The following EMILIN2 variants were observed in gnomAD, a reference collection of about 807,000 sequenced individuals.
EMILIN2 encodes the protein EMILIN-2.
In EMILIN2, 71 loss-of-function variants were observed where a neutral mutation model predicts 87.1. That is an observed-to-expected ratio of 0.82 (90% CI 0.67 to 0.99). The LOEUF (loss-of-function observed/expected upper bound fraction) is 0.99, where lower values mean the gene tolerates loss of function less well. Ranked by LOEUF, EMILIN2 falls within the 50% of genes least tolerant of loss-of-function variation. EMILIN2 has a pLI of 0.00. For missense variants in EMILIN2, 1,407 were observed against 1,371.8 expected (o/e 1.03, Z -0.40); for synonymous variants, 581 against 563.4 (o/e 1.03, Z -0.44).
intron 2 of EMILIN2, among the ~76,000 whole-genome samples, chr18:2,882,815 A>G (rs1012948124): frequency 6.6e-6 from 1 of 151,754 alleles, no homozygotes; most frequent in Admixed American, 6.6e-5. Flanking sequence ...CCCGGGAGGC[A>G]GAGGTTGCAG....
intron 4 of EMILIN2, among the ~76,000 whole-genome samples, chr18:2,901,809 G>A (rs1289547792): frequency 5.3e-5 from 8 of 152,216 alleles, no homozygotes; most frequent in South Asian, 2.1e-4. Context: ...AAATGTGTGC[G>A]TTCGGCACCC....
Position 2,847,363 on chromosome 18 carries a change from C to A in EMILIN2, c.134+41C>A. ...TTGGCTGGCCCCAAACCGCCTACCC[C>A]TCCCCGGCCCCCAGTTGAGCCCCAG... On this transcript the variant is annotated intron_variant, in intron 1 of 7. Transcript: ENST00000254528. The surrounding 1 kb of genome is among the most constrained non-coding windows in gnomAD (Gnocchi z 4.5). The A allele has an allele frequency of 7.8e-7, 1 of 1,275,614 alleles. No individual in the cohort carries two copies. The highest frequency in any genetic ancestry group is 9.9e-7 in the Non-Finnish European group (1 of 1,009,900). The allele number at this position is 1,275,614 out of a possible 1,614,324, so 79.0% of individuals were successfully genotyped here.
At chr18:2,868,461 T>C (rs1218541846) in intron 2 of EMILIN2, among the ~76,000 whole-genome samples, 3 of 152,102 alleles carry the variant, frequency 2.0e-5, no homozygotes, top group Non-Finnish European at 4.4e-5. Context: ...TGGGAGGTGG[T>C]TGCAGCCAGC....
chr18:2,846,896 TGGG>T, upstream of EMILIN2: 1 of 986,542 alleles, frequency 1.0e-6, no homozygotes, highest in Non-Finnish European at 1.2e-6. The surrounding 1 kb of genome is among the most constrained non-coding windows in gnomAD (Gnocchi z 5.3). Flanking sequence ...GGAGACTTGG[TGGG>T]GGGAGAGTCA....
intron 2 of EMILIN2, among the ~76,000 whole-genome samples, chr18:2,870,820 C>T (rs182485278): frequency 2.0e-4 from 30 of 152,282 alleles, no homozygotes; most frequent in African/African-American, 5.8e-4. Context: ...CTGAGGGCTT[C>T]GAGGGAAGGA....
At chr18:2,878,857 T>C (rs2076762864) in intron 2 of EMILIN2, among the ~76,000 whole-genome samples, 1 of 152,140 alleles carries the variant, frequency 6.6e-6, no homozygotes, top group Admixed American at 6.5e-5. Flanking sequence ...GGGCAACCAA[T>C]GACTGGAAGG....
chr18:2,893,380 C>CACAG (rs10623153), intron 4 of EMILIN2, among the ~76,000 whole-genome samples: 128,568 of 151,722 alleles, frequency 0.85, 54,569 homozygotes, highest in Middle Eastern at 0.91. Context: ...TGTTTCCAGA[C>CACAG]ACAGGACCGT....
At chr18:2,862,651 T>C (rs1408860762) in intron 2 of EMILIN2, among the ~76,000 whole-genome samples, 1 of 152,224 alleles carries the variant, frequency 6.6e-6, no homozygotes, top group Non-Finnish European at 1.5e-5. Flanking sequence ...TTTGCATCGA[T>C]GTTCATCAGG....
chr18:2,882,084 C>G (rs1333806466), intron 2 of EMILIN2, among the ~76,000 whole-genome samples: 1 of 152,204 alleles, frequency 6.6e-6, no homozygotes, highest in African/African-American at 2.4e-5. Flanking sequence ...GGCCCTGCCC[C>G]TTCCGGGCTG....
Position 2,848,053 on chromosome 18 carries a change from C to T in EMILIN2, c.257+122C>T. On this transcript the variant is annotated intron_variant, in intron 2 of 7. Transcript: ENST00000254528. This position sits in a 1 kb window ranked among gnomAD's most constrained non-coding sequence, Gnocchi z 4.1. Reference sequence around the variant, plus strand: ...ATCCCTTCCAGATCCGGTGAAAAGCCCGCAGCGGAAAAGCGCTCCGAGCGC... The same window carrying T: ...ATCCCTTCCAGATCCGGTGAAAAGCTCGCAGCGGAAAAGCGCTCCGAGCGC... The T allele has an allele frequency of 7.8e-7, 1 of 1,288,158 alleles. No individual in the cohort carries two copies. Among genetic ancestry groups the T allele is most frequent in the South Asian group, 1.6e-5 (1 of 63,998 alleles). The allele number at this position is 1,288,158 out of a possible 1,614,324, so 79.8% of individuals were successfully genotyped here.
chr18:2,913,648 T>TTATTAA lies in EMILIN2; in HGVS notation c.*244_*245insTATTAA. ...ACTCTAACTGGACAACTGGAAGACT[T>TTATTAA]GGAAAGGCCTCCACCTGTATCTACA... On this transcript the variant is annotated 3_prime_UTR_variant, in exon 8 of 8. Coordinates refer to ENST00000254528, the MANE Select transcript of EMILIN2 (RefSeq NM_032048.3). The TTATTAA allele has an allele frequency of 1.5e-5, 7 of 479,922 alleles. No individual in the cohort carries two copies. The highest frequency in any genetic ancestry group is 8.2e-5 in the South Asian group (3 of 36,606). The allele number at this position is 479,922 out of a possible 1,614,324, so 29.7% of individuals were successfully genotyped here. A position where few individuals can be genotyped will look rare whatever the true frequency, so the allele number is the denominator to read the frequency against.
intron 2 of EMILIN2, among the ~76,000 whole-genome samples, chr18:2,883,332 C>A (rs1295243949): frequency 1.3e-5 from 2 of 152,130 alleles, no homozygotes; most frequent in South Asian, 4.1e-4. Context: ...TGCTGGGTAA[C>A]CCCGCTGCTG....
chr18:2,887,700 C>T (rs1555668307), intron 3 of EMILIN2, among the ~76,000 whole-genome samples: 1 of 152,168 alleles, frequency 6.6e-6, no homozygotes, highest in Admixed American at 6.5e-5. Context: ...CCAAATAAAC[C>T]TCTTTTCTTC....
In EMILIN2 at chr18:2,851,610, C is replaced by T. The variant is rs535732045; in HGVS notation, c.257+3679C>T. Among the ~76,000 whole-genome samples the T allele has an allele frequency of 3.4e-3, 514 of 152,274 alleles. 2 individuals are homozygous for T. The highest frequency in any genetic ancestry group is 6.8e-3 in the Middle Eastern group (2 of 294). The stretch of plus-strand genomic sequence containing the variant: ...CCATGTCACTGGGCCCTGACAGCCT[C>T]CTTAGCTGTAGAGACTGACTACAGG... On this transcript the variant is annotated intron_variant, in intron 2 of 7. Coordinates refer to ENST00000254528, the MANE Select transcript of EMILIN2 (RefSeq NM_032048.3).
intron 6 of EMILIN2, 121 bp downstream of exon 6, chr18:2,909,096 C>T: frequency 8.0e-7 from 1 of 1,246,780 alleles, no homozygotes; most frequent in Non-Finnish European, 1.2e-6. Context: ...GGGCCCAGCC[C>T]TTCCCCACCC....
At chr18:2,879,930 A>G (rs1050318114) in intron 2 of EMILIN2, among the ~76,000 whole-genome samples, 3 of 151,676 alleles carry the variant, frequency 2.0e-5, no homozygotes, top group African/African-American at 4.8e-5. Context: ...CTGTTCTCGA[A>G]CTCCTGAGCT....
At position 2,892,284 on chromosome 18, in the gene EMILIN2, C is replaced by G; in HGVS notation, c.2157C>G (p.Ile719Met). 6.2e-7 allele frequency: 1 copy of G among 1,614,148 alleles called. No homozygotes were observed. Among genetic ancestry groups the G allele is most frequent in the South Asian group, 1.1e-5 (1 of 91,082 alleles). The change falls in exon 4 of 8, where the codon ATC becomes ATG. Residue 719 changes from isoleucine to methionine, a missense_variant. Ile to Met is a conservative substitution (Grantham distance 10). Coordinates refer to ENST00000254528, the MANE Select transcript of EMILIN2 (RefSeq NM_032048.3). ...AAACTTGCAGCAAGCTGGACTCTAT[C>G]TCAGGAAATCTTCAGAGGATCAAGG... ...MEKTCSKLDSISGNLQRIKEG... is the reference protein window; with the variant it reads ...MEKTCSKLDSMSGNLQRIKEG...
rs1026682524 is a variant in EMILIN2 at position 2,880,606 on chromosome 18, C to A, written c.258-4358C>A. Among the ~76,000 whole-genome samples, 1 of 152,226 alleles carries A rather than the reference C, an allele frequency of 6.6e-6. No individual in the cohort carries two copies. Among genetic ancestry groups the A allele is most frequent in the African/African-American group, 2.4e-5 (1 of 41,456 alleles). On this transcript the variant is annotated intron_variant, in intron 2 of 7. Transcript: ENST00000254528. This position sits in a 1 kb window ranked among gnomAD's most constrained non-coding sequence, Gnocchi z 4.1. Reference sequence around the variant, plus strand: ...CAGGGCTGCAGCCGAGTCCGCCCCTCCAGCGCTGCGCAGCCCCGCCGCCTT... The same window carrying A: ...CAGGGCTGCAGCCGAGTCCGCCCCTACAGCGCTGCGCAGCCCCGCCGCCTT...
At position 2,894,410 on chromosome 18, in the gene EMILIN2, C is replaced by T. The variant is rs566117065; in HGVS notation, c.2359+1924C>T. On this transcript the variant is annotated intron_variant, in intron 4 of 7. Coordinates refer to ENST00000254528, the MANE Select transcript of EMILIN2 (RefSeq NM_032048.3). The surrounding 1 kb of genome is among the most constrained non-coding windows in gnomAD (Gnocchi z 5.0). ...TATTTATAACCCAGCCCTTCCCCCACTCCAGGGCCACTCAGCTCCTCTATC... is the reference window on the plus strand; with the variant it reads ...TATTTATAACCCAGCCCTTCCCCCATTCCAGGGCCACTCAGCTCCTCTATC... 1.8e-3 allele frequency among the ~76,000 whole-genome samples: 271 copies of T among 152,344 alleles called. 1 individual carries two copies. Among genetic ancestry groups the T allele is most frequent in the Non-Finnish European group, 3.0e-3 (201 of 68,010 alleles).
Sources: gnomAD v4.1 joint callset for allele counts (sites outside exome capture counted in the v4.1 genomes callset) on GRCh38, gnomAD v4.1.1 for gene constraint, Gnocchi (gnomAD v3.1) non-coding constraint, MANE v1.5 for transcripts, NCBI Gene and HGNC (gene_info 2026-07-23, HGNC 2026-07-21) for gene names.